FGF14: variants seen among roughly 807,000 people sequenced by gnomAD.
FGF14 encodes the protein fibroblast growth factor homologous factor 4.
A neutral mutation model predicts 25.5 loss-of-function variants in FGF14; 5 were observed. The ratio of observed to expected loss-of-function variants is 0.20; its 90% CI spans 0.10 to 0.41. The LOEUF is 0.41. Among genes scored for constraint, FGF14 ranks in the 10% least tolerant of loss-of-function variants. The pLI is 1.00. For synonymous variants in FGF14, 138 were observed against 118.3 expected, an observed-to-expected ratio of 1.17 and a Z score of -1.08; for missense variants, 222 against 320.1, an observed-to-expected ratio of 0.69 and a Z score of 2.34.
At chr13:102,344,699 G>C (rs76221748) in intron 1 of FGF14, among the ~76,000 whole-genome samples, 1,789 of 152,312 alleles carry the variant, frequency 0.012, 19 homozygotes, top group Middle Eastern at 0.02. Context: ...CCCTCTCAAG[G>C]ACAAGGTCCA....
chr13:101,768,153 T>C (rs375547773), intron 3 of FGF14, among the ~76,000 whole-genome samples: 1 of 152,052 alleles, frequency 6.6e-6, no homozygotes, highest in South Asian at 2.1e-4. Context: ...AAATAATACA[T>C]ACCTTAAAAT....
chr13:102,223,812 A>G (rs1258367983), intron 1 of FGF14, among the ~76,000 whole-genome samples: 3 of 152,156 alleles, frequency 2.0e-5, no homozygotes, highest in African/African-American at 7.2e-5. Flanking sequence ...GCAGTGAGCT[A>G]TTGTCATGCC....
chr13:101,974,584 AT>A (rs2037810299), intron 1 of FGF14, among the ~76,000 whole-genome samples: 2 of 152,286 alleles, frequency 1.3e-5, no homozygotes, highest in South Asian at 4.1e-4. Flanking sequence ...GAGCTACCAC[AT>A]TGCACAACTC....
intron 1 of FGF14, among the ~76,000 whole-genome samples, chr13:102,397,929 T>C (rs945978048): frequency 6.6e-6 from 1 of 152,164 alleles, no homozygotes; most frequent in Admixed American, 6.5e-5. Flanking sequence ...TCACCTTGCA[T>C]GACTCCTACA....
intron 1 of FGF14, among the ~76,000 whole-genome samples, chr13:102,236,429 C>A (rs777700016): frequency 3.9e-5 from 6 of 152,092 alleles, no homozygotes; most frequent in Non-Finnish European, 2.9e-5. Context: ...AATAGCCCAT[C>A]AATGCCTGCT....
At chr13:102,259,286 C>A (rs148231665) in intron 1 of FGF14, among the ~76,000 whole-genome samples, 1 of 152,228 alleles carries the variant, frequency 6.6e-6, no homozygotes, top group Non-Finnish European at 1.5e-5. Context: ...GAGCCCCTCA[C>A]AGCTCCTCAA....
chr13:101,932,116 C>A (rs1313117351), intron 1 of FGF14, among the ~76,000 whole-genome samples: 1 of 152,206 alleles, frequency 6.6e-6, no homozygotes, highest in Admixed American at 6.5e-5. Flanking sequence ...TGACCTGCAG[C>A]CTTGCTCTGC....
intron 1 of FGF14, among the ~76,000 whole-genome samples, chr13:101,982,831 C>T (rs1252504656): frequency 2.6e-5 from 4 of 152,148 alleles, no homozygotes; most frequent in Admixed American, 6.5e-5. Context: ...GCTCTAAAGG[C>T]TCTACATCAT....
At chr13:102,352,486 C>A (rs2057311592) in intron 1 of FGF14, among the ~76,000 whole-genome samples, 2 of 152,120 alleles carry the variant, frequency 1.3e-5, no homozygotes, top group Admixed American at 1.3e-4. Context: ...CATTAGCCAT[C>A]AGCAATTACA....
chr13:102,129,276 A>C (rs1346288974), intron 1 of FGF14, among the ~76,000 whole-genome samples: 1 of 151,970 alleles, frequency 6.6e-6, no homozygotes, highest in Non-Finnish European at 1.5e-5. Flanking sequence ...GAAAGAAAGA[A>C]ATTAAAACTT....
intron 1 of FGF14, among the ~76,000 whole-genome samples, chr13:102,021,582 T>C (rs562672718): frequency 6.6e-6 from 1 of 152,126 alleles, no homozygotes; most frequent in South Asian, 2.1e-4. Flanking sequence ...TCTGGCATAA[T>C]TGAAGCTAAG....
At chr13:102,212,772 G>C (rs2050214140) in intron 1 of FGF14, among the ~76,000 whole-genome samples, 1 of 152,140 alleles carries the variant, frequency 6.6e-6, no homozygotes, top group African/African-American at 2.4e-5. Context: ...TGACATTACA[G>C]CCATCTCAAC....
intron 1 of FGF14, among the ~76,000 whole-genome samples, chr13:102,269,567 A>AT (rs1452869739): frequency 6.6e-6 from 1 of 152,040 alleles, no homozygotes; most frequent in Non-Finnish European, 1.5e-5. Context: ...ATTTTATTGT[A>AT]TTTTAGGGAT....
At position 101,916,550 on chromosome 13, in the gene FGF14, G is replaced by T. The variant is rs774480666; in HGVS notation, c.96C>A (p.Ser32Arg). ...TGCAGAGCCCGCGGTTCTTGCTGGG[G>T]CTGCTCCGCCTCCTGCTGGCAGACG... ...DRPSASRRRSSPSKNRGLCNG... is the reference protein window; with the variant it reads ...DRPSASRRRSRPSKNRGLCNG... The change falls in exon 1 of 5, where the codon AGC (serine) becomes AGA (arginine). Residue 32 changes from serine (S) to arginine (R), a missense_variant. This residue lies in a region of FGF14 where 80 missense variants were observed against 72.2 expected (regional missense o/e 1.11). Transcript: ENST00000376143. 6.2e-7 allele frequency: 1 copy of T among 1,613,336 alleles called. No individual in the cohort carries two copies. Among genetic ancestry groups the T allele is most frequent in the Non-Finnish European group, 8.5e-7 (1 of 1,179,850 alleles).
intron 3 of FGF14, among the ~76,000 whole-genome samples, chr13:101,809,334 C>T (rs2041369612): frequency 6.6e-6 from 1 of 151,990 alleles, no homozygotes; most frequent in African/African-American, 2.4e-5. Context: ...TACCAATGGC[C>T]AATAACTATG....
chr13:102,175,931 G>A (rs1362067649), intron 1 of FGF14, among the ~76,000 whole-genome samples: 1 of 152,130 alleles, frequency 6.6e-6, no homozygotes, highest in East Asian at 1.9e-4. Flanking sequence ...ATGTTGGCGA[G>A]GATGTGGAGA....
At chr13:102,164,377 A>G (rs557666206) in intron 1 of FGF14, among the ~76,000 whole-genome samples, 2 of 152,240 alleles carry the variant, frequency 1.3e-5, no homozygotes, top group South Asian at 4.1e-4. Context: ...GTGTTTACTG[A>G]TGACCAGCTT....
rs1011274827 is a variant in FGF14, at chr13:102,166,222, T to C, written c.208+235249A>G. On this transcript the variant is annotated intron_variant, in intron 1 of 4. Coordinates refer to the FGF14 transcript ENST00000376131. ...AGAAAAAAGAAAGAATACAGTCTAT[T>C]CTCATAATTTGTGAAGTTTGTATTT... Among the ~76,000 whole-genome samples the C allele has an allele frequency of 3.3e-5, 5 of 152,060 alleles. No homozygotes were observed. In the East Asian group the frequency reaches 9.7e-4, roughly 29 times the overall value.
chr13:102,054,776 A>G (rs1344493887), intron 1 of FGF14, among the ~76,000 whole-genome samples: 1 of 152,198 alleles, frequency 6.6e-6, no homozygotes, highest in Non-Finnish European at 1.5e-5. Context: ...CCCACCACAG[A>G]GCAAGGTGTT....
Sources: allele counts gnomAD v4.1 joint callset (sites outside exome capture counted in the v4.1 genomes callset), GRCh38; gene constraint gnomAD v4.1.1; regional missense constraint gnomAD v4.1.1; transcripts MANE v1.5; gene names NCBI Gene and HGNC (gene_info 2026-07-23, HGNC 2026-07-21).